The following CDH8 variants were observed in gnomAD, a reference collection of about 807,000 sequenced individuals.
The protein encoded by CDH8 is cadherin-8.
In CDH8, 17 loss-of-function variants were observed where a neutral mutation model predicts 68.1. The observed-to-expected ratio is 0.25, with a 90% CI of 0.17 to 0.37. The LOEUF is 0.37. CDH8 is among the 10% of genes least tolerant of loss of function. CDH8 has a pLI of 1.00. For synonymous variants in CDH8, 372 were observed against 365.1 expected (o/e 1.02, Z -0.21); for missense variants, 763 against 999.3 (o/e 0.76, Z 3.19).
chr16:61,777,139 CT>C (rs1029919548), intron 8 of CDH8, among the ~76,000 whole-genome samples: 1 of 152,080 alleles, frequency 6.6e-6, no homozygotes, highest in African/African-American at 2.4e-5. Flanking sequence ...GGACTGATAA[CT>C]TTATTTTCTC....
intron 7 of CDH8, among the ~76,000 whole-genome samples, chr16:61,814,208 G>A (rs1962022721): frequency 6.6e-6 from 1 of 152,146 alleles, no homozygotes; most frequent in Non-Finnish European, 1.5e-5. Context: ...CTCCGACTGG[G>A]AAGTAGTAGT....
chr16:61,842,268 T>C (rs1962704278), intron 4 of CDH8, among the ~76,000 whole-genome samples: 1 of 152,130 alleles, frequency 6.6e-6, no homozygotes, highest in South Asian at 2.1e-4. Context: ...TTAGATGCCA[T>C]TGTAACAGTA....
intron 1 of CDH8, chr16:62,032,144 A>C (rs1902342252): frequency 6.6e-6 from 1 of 152,190 alleles, no homozygotes; most frequent in South Asian, 2.1e-4. Context: ...ACTGGAGGGG[A>C]ATTCCCAGCG....
chr16:62,006,803 A>G (rs1227276516), intron 2 of CDH8, among the ~76,000 whole-genome samples: 2 of 152,246 alleles, frequency 1.3e-5, no homozygotes, highest in Non-Finnish European at 2.9e-5. Flanking sequence ...TCATTTTAAA[A>G]TTAACTGCAT....
At chr16:61,728,692 G>T (rs1170333077) in intron 8 of CDH8, among the ~76,000 whole-genome samples, 2 of 151,032 alleles carry the variant, frequency 1.3e-5, no homozygotes, top group African/African-American at 4.8e-5. Context: ...TTTGAGTAAG[G>T]TGTGGTTATA....
chr16:61,885,816 C>T (rs182265884), intron 3 of CDH8, among the ~76,000 whole-genome samples: 79 of 151,982 alleles, frequency 5.2e-4, no homozygotes, highest in African/African-American at 1.8e-3. Context: ...GGATTTTGCC[C>T]TTTGTTTTCA....
chr16:61,847,900 CACAG>C (rs930248685), intron 4 of CDH8, among the ~76,000 whole-genome samples: 9 of 142,678 alleles, frequency 6.3e-5, no homozygotes, highest in East Asian at 4.0e-4. Context: ...CACACACACA[CACAG>C]ACAAACACAC....
chr16:61,750,974 T>A (rs1013874697), intron 8 of CDH8, among the ~76,000 whole-genome samples: 2 of 152,052 alleles, frequency 1.3e-5, no homozygotes, highest in African/African-American at 4.8e-5. Flanking sequence ...ATTAAAGCAA[T>A]TAAACAAATC....
chr16:61,851,283 A>G (rs942605944), intron 4 of CDH8, among the ~76,000 whole-genome samples: 5 of 151,948 alleles, frequency 3.3e-5, no homozygotes, highest in Non-Finnish European at 7.4e-5. Context: ...TACTTAGCTC[A>G]TTTTTACAGG....
intron 6 of CDH8, among the ~76,000 whole-genome samples, chr16:61,820,015 T>C (rs1190366491): frequency 6.6e-6 from 1 of 152,098 alleles, no homozygotes; most frequent in Non-Finnish European, 1.5e-5. Context: ...GTGTAGGTAT[T>C]ATGATGAGAA....
At chr16:61,666,178 CTG>C (rs370163800) in intron 10 of CDH8, among the ~76,000 whole-genome samples, 16,402 of 143,670 alleles carry the variant, frequency 0.11, 881 homozygotes, top group Non-Finnish European at 0.12. Context: ...AGCACATACT[CTG>C]TGTGTGTGTG....
chr16:61,840,773 G>A (rs897336627), intron 4 of CDH8, among the ~76,000 whole-genome samples: 1 of 152,014 alleles, frequency 6.6e-6, no homozygotes, highest in Non-Finnish European at 1.5e-5. Flanking sequence ...TCTTTCAGGG[G>A]TCAGAGGGAG....
chr16:61,962,010 C>A (rs1231833953), intron 2 of CDH8, among the ~76,000 whole-genome samples: 1 of 152,256 alleles, frequency 6.6e-6, no homozygotes, highest in Admixed American at 6.5e-5. Flanking sequence ...ACATTATATG[C>A]TCTATTCTTA....
intron 8 of CDH8, among the ~76,000 whole-genome samples, chr16:61,762,251 T>C (rs1960489680): frequency 6.6e-6 from 1 of 152,310 alleles, no homozygotes; most frequent in Non-Finnish European, 1.5e-5. Flanking sequence ...GCTATCTGAA[T>C]AAACTGGGTA....
chr16:61,768,367 T>TCTCTCC (rs1567461178), intron 8 of CDH8, among the ~76,000 whole-genome samples: 25 of 80,638 alleles, frequency 3.1e-4, no homozygotes, highest in African/African-American at 6.5e-4. Flanking sequence ...TCTCTCTCTC[T>TCTCTCC]CCCTTTCTCT....
At chr16:61,854,128 A>G (rs1962997516) in intron 4 of CDH8, among the ~76,000 whole-genome samples, 1 of 122,070 alleles carries the variant, frequency 8.2e-6, no homozygotes, top group Non-Finnish European at 1.6e-5. Flanking sequence ...ACATATACAC[A>G]TACACACACA....
intron 2 of CDH8, among the ~76,000 whole-genome samples, chr16:61,930,566 A>G (rs1473960573): frequency 1.3e-5 from 2 of 152,204 alleles, no homozygotes; most frequent in African/African-American, 4.8e-5. Flanking sequence ...GTAGGTTTAC[A>G]ACCCTGCATT....
chr16:61,759,426 G>A (rs1960406988), intron 8 of CDH8, among the ~76,000 whole-genome samples: 2 of 151,974 alleles, frequency 1.3e-5, no homozygotes, highest in South Asian at 4.1e-4. Context: ...AATAGTAGTA[G>A]TATAGCAGTA....
chr16:61,947,340 T>G (rs557614322), intron 2 of CDH8, among the ~76,000 whole-genome samples: 1 of 152,340 alleles, frequency 6.6e-6, no homozygotes, highest in East Asian at 1.9e-4. Flanking sequence ...ATGTTGAACA[T>G]TCCCCAAGCA....
Sources: allele counts gnomAD v4.1 joint callset (sites outside exome capture counted in the v4.1 genomes callset), GRCh38; gene constraint gnomAD v4.1.1; transcripts MANE v1.5; gene names NCBI Gene and HGNC (gene_info 2026-07-23, HGNC 2026-07-21).